PCDH15: variants seen among roughly 807,000 people sequenced by gnomAD.
PCDH15 encodes the protein protocadherin related 15.
A neutral mutation model predicts 178.5 loss-of-function variants in PCDH15; 129 were observed. That is an observed-to-expected ratio of 0.72 (90% CI 0.63 to 0.84). The LOEUF (loss-of-function observed/expected upper bound fraction) is 0.84, where lower values mean the gene tolerates loss of function less well. Ranked by LOEUF, PCDH15 falls within the 40% of genes least tolerant of loss-of-function variation. The pLI is 0.00. For missense variants in PCDH15, 2,230 were observed against 2,099.9 expected (o/e 1.06, Z -1.21); for synonymous variants, 800 against 732.0 (o/e 1.09, Z -1.50).
At chr10:55,025,636 T>C (rs903914125) in intron 2 of PCDH15, among the ~76,000 whole-genome samples, 2 of 151,986 alleles carry the variant, frequency 1.3e-5, no homozygotes, top group African/African-American at 4.8e-5. Flanking sequence ...TTTATACATA[T>C]TGGAGGAGTT....
At chr10:54,196,612 T>C (rs2049694115) in intron 10 of PCDH15, among the ~76,000 whole-genome samples, 1 of 152,224 alleles carries the variant, frequency 6.6e-6, no homozygotes, top group Non-Finnish European at 1.5e-5. Flanking sequence ...CTCTTCTGTG[T>C]CTTCTCATTT....
At chr10:55,383,516 C>T (rs930699274) in intron 2 of PCDH15, among the ~76,000 whole-genome samples, 1 of 152,100 alleles carries the variant, frequency 6.6e-6, no homozygotes, top group Non-Finnish European at 1.5e-5. Context: ...CTTTTACCCC[C>T]TATTTCCCTG....
chr10:55,359,890 C>G (rs1845187335), intron 2 of PCDH15, among the ~76,000 whole-genome samples: 1 of 151,322 alleles, frequency 6.6e-6, no homozygotes, highest in Admixed American at 6.6e-5. Flanking sequence ...GCCAGGCACA[C>G]AAAGACAAAT....
At chr10:54,824,132 C>T (rs1328408397) in intron 3 of PCDH15, among the ~76,000 whole-genome samples, 1 of 152,036 alleles carries the variant, frequency 6.6e-6, no homozygotes, top group Non-Finnish European at 1.5e-5. Flanking sequence ...TCATAAAACT[C>T]AAGAGATTTT....
intron 1 of PCDH15, among the ~76,000 whole-genome samples, chr10:54,773,855 A>G (rs138974524): frequency 6.6e-6 from 1 of 152,130 alleles, no homozygotes; most frequent in Non-Finnish European, 1.5e-5. Flanking sequence ...AAAATCTAGG[A>G]GCATCATACA....
chr10:54,852,622 G>T (rs1953643483), intron 3 of PCDH15, among the ~76,000 whole-genome samples: 1 of 152,182 alleles, frequency 6.6e-6, no homozygotes, highest in Admixed American at 6.5e-5. Flanking sequence ...GGAGGCCGAG[G>T]CAGGTGGATC....
chr10:54,156,193 T>G (rs2045125174), intron 13 of PCDH15, among the ~76,000 whole-genome samples: 1 of 152,246 alleles, frequency 6.6e-6, no homozygotes, highest in Admixed American at 6.5e-5. Flanking sequence ...TGATGTTTTA[T>G]AGTTCTATTC....
intron 3 of PCDH15, among the ~76,000 whole-genome samples, chr10:54,427,253 T>A (rs2135940948): frequency 6.6e-6 from 1 of 150,534 alleles, no homozygotes; most frequent in South Asian, 2.1e-4. Flanking sequence ...TCCTCTCATT[T>A]CTTTCTCTTT....
chr10:54,239,666 G>C (rs1039316945), intron 8 of PCDH15, among the ~76,000 whole-genome samples: 1 of 151,888 alleles, frequency 6.6e-6, no homozygotes, highest in Admixed American at 6.6e-5. Flanking sequence ...GAGAATAAAA[G>C]AAAATAAACT....
chr10:54,087,918 C>T (rs72797015), intron 16 of PCDH15, among the ~76,000 whole-genome samples: 6 of 151,956 alleles, frequency 3.9e-5, no homozygotes, highest in African/African-American at 1.5e-4. Flanking sequence ...GTGCGTGGCA[C>T]TTCCCCTCCC....
At chr10:54,499,497 T>C (rs1231757857) in intron 3 of PCDH15, among the ~76,000 whole-genome samples, 1 of 151,982 alleles carries the variant, frequency 6.6e-6, no homozygotes, top group Non-Finnish European at 1.5e-5. Context: ...GCAACAAAAA[T>C]AGAAATCAAT....
intron 2 of PCDH15, among the ~76,000 whole-genome samples, chr10:55,553,646 C>A (rs1465048011): frequency 6.6e-6 from 1 of 151,812 alleles, no homozygotes; most frequent in African/African-American, 2.4e-5. Context: ...GCTGTGAGAA[C>A]AAGGATCAGT....
chr10:55,040,173 A>C (rs1840830897), intron 2 of PCDH15, among the ~76,000 whole-genome samples: 1 of 152,156 alleles, frequency 6.6e-6, no homozygotes. Flanking sequence ...CTGTAAAATC[A>C]TGTGCTCTTG....
chr10:55,328,423 C>A (rs914923591), intron 2 of PCDH15, among the ~76,000 whole-genome samples: 7 of 151,792 alleles, frequency 4.6e-5, no homozygotes, highest in African/African-American at 1.7e-4. Context: ...CCACATTTTA[C>A]TATACTGAAT....
At chr10:53,843,678 T>G (rs889316961) in intron 28 of PCDH15, among the ~76,000 whole-genome samples, 2 of 152,060 alleles carry the variant, frequency 1.3e-5, no homozygotes, top group Admixed American at 6.6e-5. Context: ...CTATTTCCTC[T>G]CCCCAACTTC....
chr10:54,346,253 C>A, intron 6 of PCDH15, 112 bp downstream of exon 6: 1 of 973,550 alleles, frequency 1.0e-6, no homozygotes, highest in Non-Finnish European at 1.5e-6. Flanking sequence ...ATAATAGTAT[C>A]ATTACTAATC....
At position 55,452,812 on chromosome 10, in the gene PCDH15, A is replaced by G. The variant is rs114956418; in HGVS notation, c.-156+174813T>C. Among the ~76,000 whole-genome samples, 797 of 152,276 alleles carry G rather than the reference A, an allele frequency of 5.2e-3. 8 individuals carry two copies. Among genetic ancestry groups the G allele is most frequent in the African/African-American group, 0.019 (770 of 41,560 alleles). ...TGATGACTAACCTAGCTACTGAAAT[A>G]TAAGTCAAAAACATTCAGAATAAAG... is the stretch of plus-strand genomic sequence containing the variant. On this transcript the variant is annotated intron_variant, in intron 2 of 5. Coordinates refer to the PCDH15 transcript ENST00000613346.
At chr10:54,870,024 G>A (rs1954008468) in intron 3 of PCDH15, among the ~76,000 whole-genome samples, 1 of 152,178 alleles carries the variant, frequency 6.6e-6, no homozygotes, top group African/African-American at 2.4e-5. Flanking sequence ...TTTTTCCCCT[G>A]TGCAGTAACT....
intron 8 of PCDH15, among the ~76,000 whole-genome samples, chr10:54,307,808 C>T (rs1203040092): frequency 1.3e-5 from 2 of 151,986 alleles, no homozygotes; most frequent in Non-Finnish European, 1.5e-5. Context: ...ACATACAACT[C>T]AGTTTTAAAG....
Sources: allele counts gnomAD v4.1 joint callset (sites outside exome capture counted in the v4.1 genomes callset), GRCh38; gene constraint gnomAD v4.1.1; transcripts MANE v1.5; gene names NCBI Gene and HGNC (gene_info 2026-07-23, HGNC 2026-07-21).